PCGF5: variants seen among roughly 807,000 people sequenced by gnomAD.
PCGF5 encodes the protein polycomb group RING finger protein 5.
PCGF5 carries 9 observed loss-of-function variants against 44.3 expected under a neutral mutation model. The ratio of observed to expected loss-of-function variants is 0.20; its 90% CI spans 0.12 to 0.35. The LOEUF (loss-of-function observed/expected upper bound fraction) is 0.35. PCGF5 is among the 10% of genes least tolerant of loss of function. The pLI, the probability that PCGF5 is intolerant of heterozygous loss-of-function variation, is 1.00. For synonymous variants in PCGF5, 95 were observed against 102.5 expected, an observed-to-expected ratio of 0.93 and a Z score of 0.44; for missense variants, 146 against 305.3, an observed-to-expected ratio of 0.48 and a Z score of 3.89.
intron 1 of PCGF5, among the ~76,000 whole-genome samples, chr10:91,201,972 C>T (rs1844260527): frequency 6.6e-6 from 1 of 152,036 alleles, no homozygotes; most frequent in African/African-American, 2.4e-5. Context: ...AGGGTGGCAT[C>T]AAGGGAGGGT....
upstream of PCGF5, chr10:91,162,916 G>T (rs1415121127): frequency 6.9e-6 from 1 of 145,144 alleles, no homozygotes; most frequent in Non-Finnish European, 1.5e-5. Flanking sequence ...CTCTCCTCGC[G>T]CCCGCCCGCC....
the PCGF5 span, among the ~76,000 whole-genome samples, chr10:91,157,838 C>T: frequency 6.6e-6 from 1 of 152,190 alleles, no homozygotes; most frequent in African/African-American, 2.4e-5. Context: ...CCTCAATTTC[C>T]TCTTTCAAAA....
rs1274650742 is a variant in PCGF5, at chr10:91,235,765, ACT to A, written c.113-4714_113-4713del. On this transcript the variant is annotated intron_variant, in intron 2 of 9. Coordinates refer to ENST00000336126, the MANE Select transcript of PCGF5 (RefSeq NM_032373.5). ...TAAAAAGAGGAGTTCCCTTGCACAA[ACT>A]CTCTTTTTGCCTGCTGTCATTCACG... Among the ~76,000 whole-genome samples, 6 of 151,744 alleles carry A rather than the reference ACT, an allele frequency of 4.0e-5. No homozygotes were observed. The East Asian group carries it at 1.2e-3, about 29-fold the overall frequency.
chr10:91,177,191 G>T (rs1843722523), intron 1 of PCGF5, among the ~76,000 whole-genome samples: 1 of 152,182 alleles, frequency 6.6e-6, no homozygotes, highest in Non-Finnish European at 1.5e-5. Context: ...TGTTTGCCTG[G>T]GTATCAGCAG....
chr10:91,230,340 G>C (rs1437877180), intron 2 of PCGF5, among the ~76,000 whole-genome samples: 2 of 151,866 alleles, frequency 1.3e-5, no homozygotes, highest in East Asian at 3.9e-4. Flanking sequence ...CTAGCACAAG[G>C]GTTCAATATA....
At chr10:91,175,901 C>T (rs369226871) in intron 1 of PCGF5, among the ~76,000 whole-genome samples, 4 of 152,114 alleles carry the variant, frequency 2.6e-5, no homozygotes, top group African/African-American at 9.7e-5. Context: ...GAGCATTTAG[C>T]CCATTTACAT....
At chr10:91,211,799 G>A (rs1306824395) in intron 1 of PCGF5, among the ~76,000 whole-genome samples, 1 of 152,316 alleles carries the variant, frequency 6.6e-6, no homozygotes, top group African/African-American at 2.4e-5. Flanking sequence ...AAGCCTGGTC[G>A]AGTTGTTAAA....
intron 1 of PCGF5, among the ~76,000 whole-genome samples, chr10:91,174,080 C>A (rs1204092626): frequency 6.6e-6 from 1 of 150,764 alleles, no homozygotes; most frequent in African/African-American, 2.4e-5. Context: ...ATCCTTCATG[C>A]CACTTCATAT....
intron 6 of PCGF5, among the ~76,000 whole-genome samples, chr10:91,256,240 C>A (rs1020322867): frequency 6.6e-6 from 1 of 151,926 alleles, no homozygotes; most frequent in Admixed American, 6.6e-5. Flanking sequence ...AATGATCTCA[C>A]CAAATACAGA....
At chr10:91,221,905 A>G (rs1338488474) in intron 1 of PCGF5, among the ~76,000 whole-genome samples, 1 of 152,232 alleles carries the variant, frequency 6.6e-6, no homozygotes, top group African/African-American at 2.4e-5. Context: ...AACTAGGGAA[A>G]GATTGCACTG....
chr10:91,197,109 C>T (rs1391431556), intron 1 of PCGF5, among the ~76,000 whole-genome samples: 4 of 152,234 alleles, frequency 2.6e-5, no homozygotes, highest in Non-Finnish European at 4.4e-5. Flanking sequence ...TGACAAACTA[C>T]TCCAAAACTT....
intron 1 of PCGF5, among the ~76,000 whole-genome samples, chr10:91,168,225 A>C (rs1843533684): frequency 6.6e-6 from 1 of 152,154 alleles, no homozygotes; most frequent in Admixed American, 6.5e-5. Flanking sequence ...ATAAAAGGCT[A>C]GGATAGAGCC....
chr10:91,266,136 TATG>T (rs1409481777), intron 8 of PCGF5, among the ~76,000 whole-genome samples: 2 of 152,196 alleles, frequency 1.3e-5, no homozygotes, highest in Admixed American at 6.5e-5. Flanking sequence ...GAATGGATAT[TATG>T]ATATTACACA....
At chr10:91,202,481 G>A (rs990361189) in intron 1 of PCGF5, among the ~76,000 whole-genome samples, 1 of 152,174 alleles carries the variant, frequency 6.6e-6, no homozygotes, top group African/African-American at 2.4e-5. Flanking sequence ...TTGTTGTGAG[G>A]ATTAAATAGG....
At chr10:91,180,333 GA>G (rs1312779907) in intron 1 of PCGF5, among the ~76,000 whole-genome samples, 1 of 152,156 alleles carries the variant, frequency 6.6e-6, no homozygotes, top group Non-Finnish European at 1.5e-5. Flanking sequence ...TTGCTGTACA[GA>G]AGCTCTTTAG....
At chr10:91,224,469 G>A (rs1315790466) in intron 2 of PCGF5, among the ~76,000 whole-genome samples, 1 of 151,736 alleles carries the variant, frequency 6.6e-6, no homozygotes, top group East Asian at 1.9e-4. Context: ...CTCTGCTCAA[G>A]AAGTATAATT....
chr10:91,222,955 A>C lies in PCGF5; in HGVS notation c.84A>C (p.Pro28=). 1 of 1,608,984 alleles carries C rather than the reference A, an allele frequency of 6.2e-7. No individual in the cohort carries two copies. The highest frequency in any genetic ancestry group is 1.3e-5 in the African/African-American group (1 of 74,964). ...CYICKGYLIK[P]TTVTECLHTF... The stretch of plus-strand genomic sequence containing the variant: ...TCTGTAAAGGGTATCTGATCAAGCC[A>C]ACAACAGTGACGGAATGCCTCCATA... The change falls in exon 2 of 10, where the codon CCA becomes CCC. Residue 28 remains proline (P), a synonymous_variant. Coordinates refer to ENST00000336126, the MANE Select transcript of PCGF5 (RefSeq NM_032373.5).
chr10:91,220,540 T>TGGGCGTGGCCGGGCGGCGG (rs1470408944), upstream of PCGF5: 16 of 150,698 alleles, frequency 1.1e-4, no homozygotes, highest in Admixed American at 2.7e-4. Flanking sequence ...GGCGTGGTGG[T>TGGGCGTGGCCGGGCGGCGG]GGGCGTGGCC....
intron 2 of PCGF5, among the ~76,000 whole-genome samples, chr10:91,224,943 T>G (rs1258898007): frequency 1.3e-5 from 2 of 152,138 alleles, no homozygotes; most frequent in African/African-American, 4.8e-5. Flanking sequence ...TGTGTTTTGT[T>G]TTGCTTCTTT....
Sources: gnomAD v4.1 joint callset for allele counts (sites outside exome capture counted in the v4.1 genomes callset) on GRCh38, gnomAD v4.1.1 for gene constraint, MANE v1.5 for transcripts, NCBI Gene and HGNC (gene_info 2026-07-23, HGNC 2026-07-21) for gene names.